ARNT2: variants seen among roughly 807,000 people sequenced by gnomAD.
ARNT2 encodes ARNT protein 2.
Under a neutral mutation model 91.7 loss-of-function variants are expected in ARNT2, and 36 were observed. The observed-to-expected ratio is 0.39, with a 90% confidence interval of 0.30 to 0.52. The LOEUF (loss-of-function observed/expected upper bound fraction) is 0.52, where lower values mean the gene tolerates loss of function less well. Among genes scored for constraint, ARNT2 ranks in the 20% least tolerant of loss-of-function variants. The pLI is 0.72. For missense variants in ARNT2, 775 were observed against 939.3 expected (o/e 0.83, Z 2.29); for synonymous variants, 365 against 347.1 (o/e 1.05, Z -0.57).
At chr15:80,508,069 C>A in intron 5 of ARNT2, 87 bp from the exon 6 acceptor site, 2 of 1,257,866 alleles carry the variant, frequency 1.6e-6, no homozygotes, top group Non-Finnish European at 2.3e-6. Context: ...TTTGGCAGAG[C>A]ATTTGGAGAA....
chr15:80,425,319 G>GTTTTT (rs1895917813), intron 1 of ARNT2, among the ~76,000 whole-genome samples: 1 of 151,962 alleles, frequency 6.6e-6, no homozygotes, highest in Non-Finnish European at 1.5e-5. Context: ...TTTTGTTTTT[G>GTTTTT]TTTTTGTTTT....
Position 80,445,658 on chromosome 15 carries a change from G to T in ARNT2, c.32-5222G>T, listed in dbSNP as rs371441493. 7.2e-5 allele frequency among the ~76,000 whole-genome samples: 11 copies of T among 152,080 alleles called. No individual in the cohort carries two copies. In the South Asian group the frequency reaches 2.1e-3, roughly 29 times the overall value. On this transcript the variant is annotated intron_variant, in intron 1 of 18. Transcript: ENST00000303329. ...GGCTCCCAGCTCAGGACTCAGCTCCGCACAGGGAGACCCGAGTGGGGTCTG... is the reference window on the plus strand; with the variant it reads ...GGCTCCCAGCTCAGGACTCAGCTCCTCACAGGGAGACCCGAGTGGGGTCTG...
intron 1 of ARNT2, among the ~76,000 whole-genome samples, chr15:80,435,051 G>C (rs1009038305): frequency 5.3e-5 from 8 of 152,066 alleles, no homozygotes; most frequent in Admixed American, 6.5e-5. Flanking sequence ...CCTCCTACCG[G>C]TTGTCGCCTG....
At chr15:80,429,717 T>G (rs935669672) in intron 1 of ARNT2, among the ~76,000 whole-genome samples, 3 of 152,116 alleles carry the variant, frequency 2.0e-5, no homozygotes, top group Non-Finnish European at 4.4e-5. Flanking sequence ...CCTGTAACTG[T>G]GGGGATCCAT....
intron 8 of ARNT2, among the ~76,000 whole-genome samples, chr15:80,547,545 G>C (rs1378176433): frequency 6.6e-6 from 1 of 152,142 alleles, no homozygotes; most frequent in Non-Finnish European, 1.5e-5. Context: ...ATGGAACATA[G>C]TTTTTGCTTG....
chr15:80,571,957 G>C (rs925048769), intron 12 of ARNT2, among the ~76,000 whole-genome samples: 4 of 152,174 alleles, frequency 2.6e-5, no homozygotes, highest in African/African-American at 9.7e-5. Context: ...TGAAAGCTTA[G>C]TGTGAGGATT....
intron 1 of ARNT2, among the ~76,000 whole-genome samples, chr15:80,417,248 C>T (rs890380067): frequency 6.6e-6 from 1 of 152,188 alleles, no homozygotes; most frequent in Non-Finnish European, 1.5e-5. Flanking sequence ...TTCATTCAAA[C>T]AGTAATTAGT....
chr15:80,416,419 G>A (rs1014259472), intron 1 of ARNT2, among the ~76,000 whole-genome samples: 8 of 151,954 alleles, frequency 5.3e-5, no homozygotes, highest in Non-Finnish European at 1.0e-4. Context: ...CTTTTCCCAC[G>A]TAACTACAAT....
chr15:80,576,877 A>C lies in ARNT2; in HGVS notation c.1525A>C (p.Met509Leu). Residue 509 changes from methionine (M) to leucine (L), a missense_variant, in exon 15 of 19, where the codon ATG (methionine) becomes CTG (leucine). By Grantham distance (15) the Met-to-Leu change is conservative (BLOSUM62 2). Around this residue, in one of 5 missense-constraint regions of ARNT2, gnomAD observed 325 missense variants for 359.9 expected, o/e 0.90. Coordinates refer to ENST00000303329, the MANE Select transcript of ARNT2 (RefSeq NM_014862.4). ...TCTGGTTTTCCTAGCGGAGAAGAAGATGATGAGCTCAGCCTCTGCAGCAGG... is the reference window on the plus strand; with the variant it reads ...TCTGGTTTTCCTAGCGGAGAAGAAGCTGATGAGCTCAGCCTCTGCAGCAGG... ...FAGISASEKK[M>L]MSSASAAGTQ... 6.2e-7 allele frequency: 1 copy of C among 1,614,076 alleles called. No homozygotes were observed. The highest frequency in any genetic ancestry group is 8.5e-7 in the Non-Finnish European group (1 of 1,180,020).
intron 3 of ARNT2, among the ~76,000 whole-genome samples, chr15:80,460,662 C>CG (rs2141387380): frequency 6.6e-6 from 1 of 152,232 alleles, no homozygotes; most frequent in South Asian, 2.1e-4. Flanking sequence ...CACGGGGACC[C>CG]GGGGGACAGA....
chr15:80,592,407 C>A (rs531653677), intron 18 of ARNT2, among the ~76,000 whole-genome samples: 2 of 152,360 alleles, frequency 1.3e-5, no homozygotes, highest in East Asian at 3.9e-4. Flanking sequence ...CCCCTTCAGC[C>A]ATCCCTCCAG....
At chr15:80,575,534 C>T (rs1322497693) in intron 14 of ARNT2, among the ~76,000 whole-genome samples, 1 of 152,190 alleles carries the variant, frequency 6.6e-6, no homozygotes, top group Non-Finnish European at 1.5e-5. Flanking sequence ...TTTCTCAAAC[C>T]ACCATACAAA....
intron 5 of ARNT2, among the ~76,000 whole-genome samples, chr15:80,490,104 G>A (rs972232708): frequency 1.3e-5 from 2 of 152,162 alleles, no homozygotes; most frequent in Non-Finnish European, 2.9e-5. Context: ...GCACTCCCAG[G>A]AGAAAGTGGT....
Position 80,429,344 on chromosome 15 carries a change from A to T in ARNT2, c.32-21536A>T, listed in dbSNP as rs181891132. Among the ~76,000 whole-genome samples, 9 of 152,272 alleles carry T rather than the reference A, an allele frequency of 5.9e-5. No homozygotes were observed. In the East Asian group the frequency reaches 1.7e-3, roughly 29 times the overall value. Reference sequence around the variant, plus strand: ...TGATCAAGCTAGTGGCCAATGATTTAATCTCTCGCACCTTCACAGTGGAAC... The same window carrying T: ...TGATCAAGCTAGTGGCCAATGATTTTATCTCTCGCACCTTCACAGTGGAAC... On this transcript the variant is annotated intron_variant, in intron 1 of 18. Coordinates refer to ENST00000303329, the MANE Select transcript of ARNT2 (RefSeq NM_014862.4).
intron 12 of ARNT2, 141 bp downstream of exon 12, chr15:80,563,380 C>A: frequency 9.6e-7 from 1 of 1,043,140 alleles, no homozygotes; most frequent in Non-Finnish European, 1.4e-6. Flanking sequence ...ATAGAGGAGA[C>A]TGTAGGTCCC....
intron 8 of ARNT2, among the ~76,000 whole-genome samples, chr15:80,528,077 A>G (rs1897667091): frequency 6.6e-6 from 1 of 152,178 alleles, no homozygotes; most frequent in Non-Finnish European, 1.5e-5. Context: ...GCAATAACCC[A>G]TGGAGAAGCT....
intron 8 of ARNT2, among the ~76,000 whole-genome samples, chr15:80,524,157 AAGTT>A (rs1481851933): frequency 4.6e-5 from 7 of 152,294 alleles, no homozygotes; most frequent in African/African-American, 1.7e-4. Context: ...CATATGGAAA[AAGTT>A]AGCCTCACTA....
In ARNT2 at chr15:80,581,274, T is replaced by A. The variant is rs1181947639; in HGVS notation, c.1788T>A (p.Ser596=). The A allele has an allele frequency of 6.2e-7, 1 of 1,613,930 alleles. No individual in the cohort carries two copies. The highest frequency in any genetic ancestry group is 1.3e-5 in the African/African-American group (1 of 74,874). ...IPSQSSKTQS[S]PFGIGTSHTY... The stretch of plus-strand genomic sequence containing the variant: ...CTCAGTCCAGCAAGACTCAGTCATC[T>A]CCCTTTGGGATTGGAACGAGCCACA... Residue 596 remains serine, a synonymous_variant, in exon 17 of 19, where the codon TCT becomes TCA. Coordinates refer to ENST00000303329, the MANE Select transcript of ARNT2 (RefSeq NM_014862.4).
Position 80,552,687 on chromosome 15 carries a change from C to T in ARNT2, c.1002C>T (p.Pro334=). The change falls in exon 10 of 19, where the codon CCC becomes CCT. Residue 334 remains proline, a synonymous_variant. Coordinates refer to ENST00000303329, the MANE Select transcript of ARNT2 (RefSeq NM_014862.4). ...TGGACATGAATGGGATGTCGGTGCC[C>T]ACAGAGTTCTTATCCCGGCATAACT... is the stretch of plus-strand genomic sequence containing the variant. ...VCMDMNGMSV[P]TEFLSRHNSD... is the part of the protein sequence containing the mutation. 6.2e-7 allele frequency: 1 copy of T among 1,614,082 alleles called. No individual in the cohort carries two copies. Among genetic ancestry groups the T allele is most frequent in the Non-Finnish European group, 8.5e-7 (1 of 1,179,972 alleles).
Sources: allele counts gnomAD v4.1 joint callset (sites outside exome capture counted in the v4.1 genomes callset), GRCh38; gene constraint gnomAD v4.1.1; regional missense constraint gnomAD v4.1.1; transcripts MANE v1.5; gene names NCBI Gene and HGNC (gene_info 2026-07-23, HGNC 2026-07-21).